The following NARS2 variants were observed in gnomAD, a reference collection of about 807,000 sequenced individuals.
NARS2 encodes the protein asparaginyl-tRNA synthetase.
NARS2 carries 60 observed loss-of-function variants against 62.9 expected under a neutral mutation model. That is an observed-to-expected ratio of 0.95 (90% CI 0.77 to 1.18). The LOEUF (loss-of-function observed/expected upper bound fraction) is 1.18. Ranked by LOEUF, NARS2 falls within the 50% of genes most tolerant of loss-of-function variation. The pLI is 0.00. For missense variants in NARS2, 619 were observed against 576.4 expected (o/e 1.07, Z -0.76); for synonymous variants, 196 against 200.0 (o/e 0.98, Z 0.17).
At chr11:78,497,414 G>C (rs1860107689) in intron 6 of NARS2, among the ~76,000 whole-genome samples, 1 of 152,104 alleles carries the variant, frequency 6.6e-6, no homozygotes, top group African/African-American at 2.4e-5. Context: ...TGAAAGAACA[G>C]AGGAACTGCT....
In NARS2 at chr11:78,574,803, G is replaced by A. The variant is rs1267410431; in HGVS notation, c.-315C>T. The A allele has an allele frequency of 6.5e-6, 2 of 307,268 alleles. No homozygotes were observed. Among genetic ancestry groups the A allele is most frequent in the Non-Finnish European group, 1.2e-5 (2 of 164,250 alleles). 19.0% of individuals were successfully genotyped at this position (307,268 alleles called of 1,614,324 possible). A position where few individuals can be genotyped will look rare whatever the true frequency, so the allele number is the denominator to read the frequency against. ...TTGTAAACCTACGAACAGAACCCGGGCCGCAACACGCGCAACCACTCCTAC... is the reference window on the plus strand; with the variant it reads ...TTGTAAACCTACGAACAGAACCCGGACCGCAACACGCGCAACCACTCCTAC... On this transcript the variant is annotated 5_prime_UTR_variant, in exon 1 of 14. Transcript: ENST00000281038.
intron 5 of NARS2, among the ~76,000 whole-genome samples, chr11:78,547,307 A>C (rs1282127067): frequency 6.6e-6 from 1 of 152,252 alleles, no homozygotes; most frequent in Non-Finnish European, 1.5e-5. Flanking sequence ...TTTCTTGAGA[A>C]CCAGCTCATT....
At chr11:78,451,093 T>C (rs940113535) in intron 11 of NARS2, among the ~76,000 whole-genome samples, 6 of 152,228 alleles carry the variant, frequency 3.9e-5, no homozygotes, top group Admixed American at 2.6e-4. Context: ...TTTATAACTA[T>C]ATCCTCCTAC....
intron 2 of NARS2, among the ~76,000 whole-genome samples, chr11:78,570,200 A>G (rs1856875184): frequency 6.6e-6 from 1 of 152,160 alleles, no homozygotes; most frequent in Non-Finnish European, 1.5e-5. Context: ...GGAAAAAAAA[A>G]AGTTACTATT....
chr11:78,458,262 AAC>A (rs1565210524), intron 11 of NARS2, among the ~76,000 whole-genome samples: 1 of 152,208 alleles, frequency 6.6e-6, no homozygotes, highest in Non-Finnish European at 1.5e-5. Flanking sequence ...ATGTCAACTA[AAC>A]ATGAAAGGGG....
rs56333628 is a variant in NARS2 at position 78,469,775 on chromosome 11, A to AGT, written c.960-463_960-462insAC. Among the ~76,000 whole-genome samples, 6 of 152,066 alleles carry AGT rather than the reference A, an allele frequency of 3.9e-5. No homozygotes were observed. The East Asian group carries it at 7.7e-4, about 20-fold the overall frequency. ...GCGCATGTGTGTGTCAGAGAGAGAG[A>AGT]GAGCGAGAGATGCAGGTGAGGAGAG... On this transcript the variant is annotated intron_variant, in intron 9 of 13. Transcript: ENST00000281038.
At chr11:78,541,520 A>G (rs1490070093) in intron 5 of NARS2, among the ~76,000 whole-genome samples, 2 of 152,144 alleles carry the variant, frequency 1.3e-5, no homozygotes, top group South Asian at 2.1e-4. Context: ...TTTTAATATT[A>G]GTCTCTCCTA....
chr11:78,509,403 TAATC>T (rs1018169353), intron 6 of NARS2, among the ~76,000 whole-genome samples: 6 of 152,262 alleles, frequency 3.9e-5, no homozygotes, highest in East Asian at 1.9e-4. Flanking sequence ...ATAAAGATCT[TAATC>T]AAAGTAAACA....
At chr11:78,544,018 C>CA (rs10688131) in intron 5 of NARS2, among the ~76,000 whole-genome samples, 887 of 73,890 alleles carry the variant, frequency 0.012, 56 homozygotes, top group African/African-American at 0.02. Context: ...GACTCTGTCT[C>CA]AAAAAAAAAA....
chr11:78,468,667 G>A (rs1273585074), intron 10 of NARS2, among the ~76,000 whole-genome samples: 1 of 151,902 alleles, frequency 6.6e-6, no homozygotes, highest in Non-Finnish European at 1.5e-5. Flanking sequence ...GCCTCCCAAA[G>A]TACTGGGATT....
intron 11 of NARS2, among the ~76,000 whole-genome samples, chr11:78,449,922 C>T (rs751201777): frequency 7.9e-5 from 12 of 152,138 alleles, no homozygotes; most frequent in Non-Finnish European, 1.3e-4. Context: ...ACATGTCCAC[C>T]CTGGTCTAAA....
intron 7 of NARS2, among the ~76,000 whole-genome samples, chr11:78,488,930 G>A (rs1859693408): frequency 6.6e-6 from 1 of 151,210 alleles, no homozygotes; most frequent in South Asian, 2.1e-4. Context: ...AGAGAAGAGA[G>A]GAAAGGAAAG....
chr11:78,448,114 T>C (rs1857827048), intron 11 of NARS2, among the ~76,000 whole-genome samples: 1 of 152,186 alleles, frequency 6.6e-6, no homozygotes, highest in African/African-American at 2.4e-5. Flanking sequence ...GATTTAATCA[T>C]ACCACATTGT....
At chr11:78,498,212 C>G (rs1169623794) in intron 6 of NARS2, among the ~76,000 whole-genome samples, 12 of 152,182 alleles carry the variant, frequency 7.9e-5, no homozygotes, top group African/African-American at 2.7e-4. Context: ...CCAGAACATG[C>G]AGGGCCTTCC....
chr11:78,525,958 C>T (rs1861280228), intron 6 of NARS2, among the ~76,000 whole-genome samples: 1 of 151,998 alleles, frequency 6.6e-6, no homozygotes, highest in African/African-American at 2.4e-5. Flanking sequence ...GTACATTCCA[C>T]AGGTCGTAAA....
At chr11:78,513,427 T>C (rs890141224) in intron 6 of NARS2, among the ~76,000 whole-genome samples, 2 of 151,580 alleles carry the variant, frequency 1.3e-5, no homozygotes, top group Non-Finnish European at 2.9e-5. Context: ...CTGGTAACCA[T>C]CTTATTCTCT....
At chr11:78,495,721 G>A (rs1291556435) in intron 6 of NARS2, among the ~76,000 whole-genome samples, 1 of 152,088 alleles carries the variant, frequency 6.6e-6, no homozygotes, top group African/African-American at 2.4e-5. Context: ...GACGCCCTCA[G>A]TACCTAAAAG....
chr11:78,476,750 A>G (rs755199145), intron 9 of NARS2, among the ~76,000 whole-genome samples: 76 of 152,004 alleles, frequency 5.0e-4, no homozygotes, highest in Non-Finnish European at 1.0e-3. Flanking sequence ...CCAAGAGGAC[A>G]TTTTCCAACC....
intron 2 of NARS2, among the ~76,000 whole-genome samples, chr11:78,569,117 T>C (rs1227664525): frequency 6.6e-6 from 1 of 152,042 alleles, no homozygotes; most frequent in Non-Finnish European, 1.5e-5. Context: ...GTCCTATTTT[T>C]GCAATTAAAA....
Sources: gnomAD v4.1 joint callset for allele counts (sites outside exome capture counted in the v4.1 genomes callset) on GRCh38, gnomAD v4.1.1 for gene constraint, MANE v1.5 for transcripts, NCBI Gene and HGNC (gene_info 2026-07-23, HGNC 2026-07-21) for gene names.